Variants in SLCO3A1 observed in about 807,000 individuals in gnomAD.
The protein encoded by SLCO3A1 is solute carrier organic anion transporter family member 3A1.
In SLCO3A1, 27 loss-of-function variants were observed where a neutral mutation model predicts 63.1. The observed-to-expected ratio is 0.43, with a 90% CI of 0.32 to 0.59. The LOEUF (loss-of-function observed/expected upper bound fraction) is 0.59. SLCO3A1 is among the 20% of genes least tolerant of loss of function. The probability of loss-of-function intolerance (pLI) is 0.09; values close to 1 mark genes in which losing one functional copy is unlikely to be tolerated. For missense variants in SLCO3A1, 773 were observed against 945.8 expected, an observed-to-expected ratio of 0.82 and a Z score of 2.40; for synonymous variants, 473 against 409.9, an observed-to-expected ratio of 1.15 and a Z score of -1.86.
Position 92,165,824 on chromosome 15 carries a change from G to C in SLCO3A1, c.*2689G>C, listed in dbSNP as rs2048489647. 11 of 985,116 alleles carry C rather than the reference G, an allele frequency of 1.1e-5. No individual in the cohort carries two copies. The highest frequency in any genetic ancestry group is 1.2e-5 in the Non-Finnish European group (10 of 829,804). The allele number at this position is 985,116 out of a possible 1,614,324, so 61.0% of individuals were successfully genotyped here. A position where few individuals can be genotyped will look rare whatever the true frequency, so the allele number is the denominator to read the frequency against. On this transcript the variant is annotated 3_prime_UTR_variant, in exon 10 of 10. Coordinates refer to ENST00000318445, the MANE Select transcript of SLCO3A1 (RefSeq NM_013272.4). ...CTCGATTATCTGTTTGGTTTCAAGT[G>C]AATGAAAAGATTTCCTGGTAAGATC...
chr15:92,108,072 C>T (rs2047687241), intron 4 of SLCO3A1, among the ~76,000 whole-genome samples: 1 of 152,206 alleles, frequency 6.6e-6, no homozygotes, highest in Non-Finnish European at 1.5e-5. Flanking sequence ...CTGCTTCCAA[C>T]AGTCAGCCAT....
chr15:91,893,103 C>A (rs569015489), intron 1 of SLCO3A1, among the ~76,000 whole-genome samples: 1 of 152,194 alleles, frequency 6.6e-6, no homozygotes, highest in Non-Finnish European at 1.5e-5. Flanking sequence ...TGGGAAGATG[C>A]CTTATCTCTG....
In SLCO3A1 at chr15:92,033,132, C is replaced by T. The variant is rs938716773; in HGVS notation, c.647-61749C>T. 1.2e-4 allele frequency among the ~76,000 whole-genome samples: 18 copies of T among 151,948 alleles called. No individual in the cohort carries two copies. The highest frequency in any genetic ancestry group is 2.0e-4 in the Admixed American group (3 of 15,260). On this transcript the variant is annotated intron_variant, in intron 2 of 9. Coordinates refer to ENST00000318445, the MANE Select transcript of SLCO3A1 (RefSeq NM_013272.4). The surrounding 1 kb of genome is among the most constrained non-coding windows in gnomAD (Gnocchi z 4.5). ...TTTTAGAATTTACCAAAGAATCTCA[C>T]GTGTAAAAAAAACAAAAGAACTCCA...
intron 1 of SLCO3A1, among the ~76,000 whole-genome samples, chr15:91,906,433 A>G (rs1008645729): frequency 6.6e-6 from 1 of 152,198 alleles, no homozygotes; most frequent in African/African-American, 2.4e-5. Flanking sequence ...AACTTTGCCT[A>G]TCCAGCCCCT....
At chr15:92,027,090 CAA>C (rs79713708) in intron 2 of SLCO3A1, among the ~76,000 whole-genome samples, 16 of 120,966 alleles carry the variant, frequency 1.3e-4, no homozygotes, top group Non-Finnish European at 1.3e-4. Flanking sequence ...ACTTTGTCTC[CAA>C]AAAAAAAAAA....
chr15:92,143,792 T>C (rs1405591650), intron 7 of SLCO3A1, among the ~76,000 whole-genome samples: 1 of 151,584 alleles, frequency 6.6e-6, no homozygotes, highest in Non-Finnish European at 1.5e-5. Context: ...AGGAAAACAG[T>C]GTTTTGAAGT....
intron 2 of SLCO3A1, among the ~76,000 whole-genome samples, chr15:91,930,138 C>G (rs1899172977): frequency 6.6e-6 from 1 of 152,132 alleles, no homozygotes; most frequent in African/African-American, 2.4e-5. Flanking sequence ...GCCTTGTCCT[C>G]CCCTCTCTCT....
intron 2 of SLCO3A1, among the ~76,000 whole-genome samples, chr15:92,011,486 AAG>A (rs1364974882): frequency 1.4e-5 from 2 of 138,086 alleles, no homozygotes; most frequent in South Asian, 2.2e-4. Context: ...GTTTTAAAAA[AAG>A]ATAAAAATTT....
chr15:91,976,199 T>C (rs995236006), intron 2 of SLCO3A1, among the ~76,000 whole-genome samples: 1 of 152,070 alleles, frequency 6.6e-6, no homozygotes, highest in African/African-American at 2.4e-5. Context: ...GGGGAGAAGA[T>C]AGATGGAAGC....
chr15:92,139,641 CCA>C (rs1336679447), intron 7 of SLCO3A1, among the ~76,000 whole-genome samples: 1 of 152,136 alleles, frequency 6.6e-6, no homozygotes, highest in East Asian at 1.9e-4. Context: ...CTGATTATTG[CCA>C]CAATTTCAGC....
rs532566754 is a variant in SLCO3A1, at chr15:91,854,878, G to A, written c.180+790G>A. ...GATGTTAATGCTCAGAGGGCCCATG[G>A]GTGCGTAACATTTCAGAGGAAACAG... On this transcript the variant is annotated intron_variant, in intron 1 of 9. Coordinates refer to ENST00000318445, the MANE Select transcript of SLCO3A1 (RefSeq NM_013272.4). This position sits in a 1 kb window ranked among gnomAD's most constrained non-coding sequence, Gnocchi z 6.4. 6.6e-6 allele frequency among the ~76,000 whole-genome samples: 1 copy of A among 152,198 alleles called. No individual in the cohort carries two copies. Among genetic ancestry groups the A allele is most frequent in the Non-Finnish European group, 1.5e-5 (1 of 68,028 alleles).
intron 2 of SLCO3A1, among the ~76,000 whole-genome samples, chr15:92,007,308 G>A (rs1457463629): frequency 1.3e-5 from 2 of 152,206 alleles, no homozygotes; most frequent in African/African-American, 4.8e-5. Context: ...GTGAAAAGAC[G>A]ACAGCTTTCT....
Position 92,033,983 on chromosome 15 carries a change from G to A in SLCO3A1, c.647-60898G>A, listed in dbSNP as rs568783658. 3.2e-4 allele frequency among the ~76,000 whole-genome samples: 48 copies of A among 152,206 alleles called. No homozygotes were observed. The highest frequency in any genetic ancestry group is 8.2e-4 in the African/African-American group (34 of 41,546). ...GGGGAGGAGCAGAATGAATGGGGGCGCCATGGCAGATCACGTGGAGTCCTG... is the reference window on the plus strand; with the variant it reads ...GGGGAGGAGCAGAATGAATGGGGGCACCATGGCAGATCACGTGGAGTCCTG... On this transcript the variant is annotated intron_variant, in intron 2 of 9. Coordinates refer to ENST00000318445, the MANE Select transcript of SLCO3A1 (RefSeq NM_013272.4). The surrounding 1 kb of genome is among the most constrained non-coding windows in gnomAD (Gnocchi z 4.5).
intron 2 of SLCO3A1, among the ~76,000 whole-genome samples, chr15:91,935,151 A>G (rs1416495011): frequency 6.6e-6 from 1 of 152,096 alleles, no homozygotes; most frequent in Non-Finnish European, 1.5e-5. Context: ...ACAGGGTTTC[A>G]CCATGTTGGC....
chr15:92,087,516 ATTTTT>A (rs34074469), intron 2 of SLCO3A1, among the ~76,000 whole-genome samples: 2 of 121,764 alleles, frequency 1.6e-5, no homozygotes, highest in Admixed American at 8.3e-5. Flanking sequence ...ATTATCTATT[ATTTTT>A]TTTTTTTTTT....
Position 92,104,558 on chromosome 15 carries a change from T to C in SLCO3A1, c.1009+16T>C. The C allele has an allele frequency of 6.2e-7, 1 of 1,609,156 alleles. No individual in the cohort carries two copies. The highest frequency in any genetic ancestry group is 1.7e-4 in the Middle Eastern group (1 of 6,002). Reference sequence around the variant, plus strand: ...CAGCTGAGAGGTAAAGGTGGCCTCATCTGCCTCTGCTCAGAACAGTAGGGG... The same window carrying C: ...CAGCTGAGAGGTAAAGGTGGCCTCACCTGCCTCTGCTCAGAACAGTAGGGG... On this transcript the variant is annotated intron_variant, in intron 4 of 9. Coordinates refer to ENST00000318445, the MANE Select transcript of SLCO3A1 (RefSeq NM_013272.4).
At chr15:91,949,214 G>A (rs965914870) in intron 2 of SLCO3A1, among the ~76,000 whole-genome samples, 4 of 152,106 alleles carry the variant, frequency 2.6e-5, no homozygotes, top group Non-Finnish European at 5.9e-5. Flanking sequence ...TGGGGGGAAG[G>A]ATGTGACCAA....
rs558756540 is a variant in SLCO3A1, at chr15:91,981,196, A to G, written c.646+64738A>G. ...TCGGATGCCTGGCCTTCCGGCTGCC[A>G]TGGTCCTTCTCCCACCAGCCAGACC... On this transcript the variant is annotated intron_variant, in intron 2 of 9. Coordinates refer to ENST00000318445, the MANE Select transcript of SLCO3A1 (RefSeq NM_013272.4). Among the ~76,000 whole-genome samples, 121 of 152,200 alleles carry G rather than the reference A, an allele frequency of 8.0e-4. 1 individual carries two copies. In the East Asian group the frequency reaches 0.015, roughly 19 times the overall value.
At chr15:91,927,356 G>A (rs1899066033) in intron 2 of SLCO3A1, among the ~76,000 whole-genome samples, 2 of 151,760 alleles carry the variant, frequency 1.3e-5, no homozygotes. Flanking sequence ...ATCATTAATA[G>A]AATCTGAACT....
Sources: gnomAD v4.1 joint callset for allele counts (sites outside exome capture counted in the v4.1 genomes callset) on GRCh38, gnomAD v4.1.1 for gene constraint, Gnocchi (gnomAD v3.1) non-coding constraint, MANE v1.5 for transcripts, NCBI Gene and HGNC (gene_info 2026-07-23, HGNC 2026-07-21) for gene names.